The following NOS1 variants were observed in gnomAD, a reference collection of about 807,000 sequenced individuals.
NOS1 encodes nitric oxide synthase 1.
NOS1 carries 51 observed loss-of-function variants against 164.5 expected under a neutral mutation model. That is an observed-to-expected ratio of 0.31 (90% CI 0.25 to 0.39). The LOEUF is 0.39. Among genes scored for constraint, NOS1 ranks in the 10% least tolerant of loss-of-function variants. NOS1 has a pLI of 1.00. For synonymous variants in NOS1, 719 were observed against 745.8 expected (o/e 0.96, Z 0.59); for missense variants, 1,362 against 1,885.6 (o/e 0.72, Z 5.14).
chr12:117,288,051 C>T, intron 5 of NOS1, 23 bp downstream of exon 5: 1 of 1,612,870 alleles, frequency 6.2e-7, no homozygotes. Context: ...ACCTCGGGCT[C>T]CCCGGAATTG....
intron 17 of NOS1, among the ~76,000 whole-genome samples, chr12:117,247,902 C>G (rs1357955184): frequency 1.3e-5 from 2 of 149,708 alleles, no homozygotes; most frequent in Non-Finnish European, 3.0e-5. Context: ...GCCAAGATAG[C>G]GCCACTGCAC....
In NOS1 at chr12:117,208,295, A is replaced by G; in HGVS notation, c.*7014T>C. ...TCGCAAAGAGCGTGGGGTGGGCGTC[A>G]GTCCTTCAAGGAAGGTGCTGGAGCA... On this transcript the variant is annotated 3_prime_UTR_variant, in exon 29 of 29. Transcript: ENST00000317775. The G allele has an allele frequency of 7.8e-7, 1 of 1,289,100 alleles. No individual in the cohort carries two copies. The highest frequency in any genetic ancestry group is 1.0e-6 in the Non-Finnish European group (1 of 988,650). The allele number at this position is 1,289,100 out of a possible 1,614,324, so 79.9% of individuals were successfully genotyped here.
At position 117,212,461 on chromosome 12, in the gene NOS1, G is replaced by A. The variant is rs1424930803; in HGVS notation, c.*2848C>T. 4.1e-6 allele frequency: 4 copies of A among 985,300 alleles called. No individual in the cohort carries two copies. Among genetic ancestry groups the A allele is most frequent in the South Asian group, 4.7e-5 (1 of 21,282 alleles). 61.0% of individuals were successfully genotyped at this position (985,300 alleles called of 1,614,324 possible). On this transcript the variant is annotated 3_prime_UTR_variant, in exon 29 of 29. Coordinates refer to ENST00000317775, the MANE Select transcript of NOS1 (RefSeq NM_000620.5). ...AAAAGAAGCCCTCTCTCCTCCCAAG[G>A]AGTTTAACATCATCTCTCTGCTCTT... is the stretch of plus-strand genomic sequence containing the variant.
chr12:117,238,860 A>C (rs1212856361), intron 20 of NOS1, among the ~76,000 whole-genome samples: 1 of 152,164 alleles, frequency 6.6e-6, no homozygotes, highest in Non-Finnish European at 1.5e-5. Context: ...CAAATAAATA[A>C]ATACATAAAA....
In NOS1 at chr12:117,214,943, C is replaced by T; in HGVS notation, c.*366G>A. The T allele has an allele frequency of 1.9e-6, 2 of 1,048,046 alleles. No homozygotes were observed. Among genetic ancestry groups the T allele is most frequent in the South Asian group, 9.2e-5 (2 of 21,838 alleles). The allele number at this position is 1,048,046 out of a possible 1,614,324, so 64.9% of individuals were successfully genotyped here. A position where few individuals can be genotyped will look rare whatever the true frequency, so the allele number is the denominator to read the frequency against. On this transcript the variant is annotated 3_prime_UTR_variant, in exon 29 of 29. Transcript: ENST00000317775. ...GTGGCTGAGGGACTGGCTCAGAGAG[C>T]TTGTGCCTAGTTCCTGCAGCCTTTC...
At chr12:117,260,731 C>A (rs1266635653) in intron 13 of NOS1, 122 bp from the exon 14 acceptor site, 2 of 1,052,738 alleles carry the variant, frequency 1.9e-6, no homozygotes, top group African/African-American at 1.6e-5. Context: ...CTCTCTTGAT[C>A]TTTGATGGCT....
At chr12:117,348,089 G>A (rs1302059398) in intron 1 of NOS1, 4 of 135,470 alleles carry the variant, frequency 3.0e-5, no homozygotes, top group Non-Finnish European at 6.1e-5. Context: ...TTTATCTCGT[G>A]TTGCACCAGC....
rs950716712 is a variant in NOS1, at chr12:117,331,886, T to C, written c.-420-397A>G. 3.9e-5 allele frequency among the ~76,000 whole-genome samples: 6 copies of C among 152,308 alleles called. No individual in the cohort carries two copies. The South Asian group carries it at 1.2e-3, about 32-fold the overall frequency. On this transcript the variant is annotated intron_variant, in intron 1 of 28. Transcript: ENST00000317775. ...GTGTCTTGTATACATTTTCCATCCATAGCTCGGGGGCTCAGCTGGCACAGA... is the reference window on the plus strand; with the variant it reads ...GTGTCTTGTATACATTTTCCATCCACAGCTCGGGGGCTCAGCTGGCACAGA...
intron 2 of NOS1, among the ~76,000 whole-genome samples, chr12:117,326,692 C>G (rs976974374): frequency 6.6e-6 from 1 of 152,224 alleles, no homozygotes; most frequent in African/African-American, 2.4e-5. Flanking sequence ...TTGGATGCAG[C>G]CTCCTGAGCT....
intron 2 of NOS1, among the ~76,000 whole-genome samples, chr12:117,315,557 C>T (rs1248619436): frequency 2.6e-5 from 4 of 152,102 alleles, no homozygotes; most frequent in Admixed American, 1.3e-4. Context: ...AGATTTAGTT[C>T]GATTCTCAGC....
intron 1 of NOS1, among the ~76,000 whole-genome samples, chr12:117,335,069 T>C (rs141207269): frequency 6.4e-4 from 97 of 152,312 alleles, no homozygotes; most frequent in African/African-American, 2.3e-3. Flanking sequence ...AATGAAACAG[T>C]AAATGCAGAG....
chr12:117,252,416 C>G (rs1871170126), intron 17 of NOS1, among the ~76,000 whole-genome samples: 1 of 152,126 alleles, frequency 6.6e-6, no homozygotes, highest in Non-Finnish European at 1.5e-5. Flanking sequence ...CAGCTCCTGC[C>G]ATGATAGATT....
At chr12:117,241,253 C>G (rs892302795) in intron 20 of NOS1, among the ~76,000 whole-genome samples, 1 of 152,020 alleles carries the variant, frequency 6.6e-6, no homozygotes, top group Admixed American at 6.5e-5. Flanking sequence ...ATTTTTCTAG[C>G]ACTAATGAAG....
rs1956472237 is a variant in NOS1, at chr12:117,208,391, C to CGTGTGGTGTGTGTGTGTGT, written c.*6917_*6918insACACACACACACACCACAC. ...GGGGGGACGGCCGAGTTTCTGACAG[C>CGTGTGGTGTGTGTGTGTGT]GTGTGTGTGTGTGTGTGTGTGTGTG... On this transcript the variant is annotated 3_prime_UTR_variant, in exon 29 of 29. Transcript: ENST00000317775. The CGTGTGGTGTGTGTGTGTGT allele has an allele frequency of 1.2e-6, 1 of 804,546 alleles. No homozygotes were observed. The highest frequency in any genetic ancestry group is 1.9e-5 in the African/African-American group (1 of 52,866). The allele number at this position is 804,546 out of a possible 1,614,324, so 49.8% of individuals were successfully genotyped here. A position where few individuals can be genotyped will look rare whatever the true frequency, so the allele number is the denominator to read the frequency against.
chr12:117,291,133 G>A (rs1873028054), intron 3 of NOS1, among the ~76,000 whole-genome samples: 1 of 152,142 alleles, frequency 6.6e-6, no homozygotes, highest in Admixed American at 6.5e-5. Context: ...AGAATCACTT[G>A]AACCCGAGAG....
intron 12 of NOS1, 70 bp downstream of exon 12, chr12:117,265,246 G>A: frequency 7.3e-7 from 1 of 1,375,050 alleles, no homozygotes; most frequent in Non-Finnish European, 9.6e-7. Context: ...GGGTTGAAAT[G>A]AGCCTAAATG....
At position 117,210,718 on chromosome 12, in the gene NOS1, G is replaced by A. The variant is rs772516637; in HGVS notation, c.*4591C>T. The A allele has an allele frequency of 6.5e-5, 64 of 985,322 alleles. No homozygotes were observed. Among genetic ancestry groups the A allele is most frequent in the Non-Finnish European group, 7.3e-5 (61 of 829,980 alleles). 61.0% of individuals were successfully genotyped at this position (985,322 alleles called of 1,614,324 possible). On this transcript the variant is annotated 3_prime_UTR_variant, in exon 29 of 29. Transcript: ENST00000317775. ...GACCTGACCTCTTTCAAAGTCCAGA[G>A]CAGGCAGCTGCTGAAAGCGTGTTTG... is the stretch of plus-strand genomic sequence containing the variant.
chr12:117,256,296 T>TTTTTTTTTTTTTA (rs1871449297), intron 16 of NOS1, among the ~76,000 whole-genome samples: 3 of 149,684 alleles, frequency 2.0e-5, no homozygotes, highest in African/African-American at 7.5e-5. Flanking sequence ...TTTTTTTTTT[T>TTTTTTTTTTTTTA]GAGACGGAGT....
intron 17 of NOS1, 152 bp from the exon 18 acceptor site, chr12:117,247,674 G>T: frequency 1.6e-6 from 1 of 626,412 alleles, no homozygotes; most frequent in Non-Finnish European, 2.6e-6. Flanking sequence ...CCTTTAAGGG[G>T]TAATTAAGGT....
Sources: allele counts gnomAD v4.1 joint callset (sites outside exome capture counted in the v4.1 genomes callset), GRCh38; gene constraint gnomAD v4.1.1; transcripts MANE v1.5; gene names NCBI Gene and HGNC (gene_info 2026-07-23, HGNC 2026-07-21).